The following CDH13 variants were observed in gnomAD, a reference collection of about 807,000 sequenced individuals.
The protein encoded by CDH13 is cadherin-13.
Under a neutral mutation model 63.8 loss-of-function variants are expected in CDH13, and 24 were observed. That is an observed-to-expected ratio of 0.38 (90% CI 0.27 to 0.53). The LOEUF is 0.53. Ranked by LOEUF, CDH13 falls within the 20% of genes least tolerant of loss-of-function variation. CDH13 has a pLI of 0.85. For missense variants in CDH13, 1,049 were observed against 903.1 expected, an observed-to-expected ratio of 1.16 and a Z score of -2.07; for synonymous variants, 503 against 355.3, an observed-to-expected ratio of 1.42 and a Z score of -4.67.
In CDH13 at chr16:83,622,728, T is replaced by C. The variant is rs371259155; in HGVS notation, c.1101+20134T>C. On this transcript the variant is annotated intron_variant, in intron 8 of 13. Coordinates refer to ENST00000567109, the MANE Select transcript of CDH13 (RefSeq NM_001257.5). ...ATCTTTTTACATTTATGATAGTCGT[T>C]ACTGCAGTTTCAGAATCATTAGTGA... 2.8e-4 allele frequency among the ~76,000 whole-genome samples: 43 copies of C among 152,358 alleles called. No individual in the cohort carries two copies. The East Asian group carries it at 7.9e-3, about 28-fold the overall frequency.
intron 1 of CDH13, among the ~76,000 whole-genome samples, chr16:82,633,001 C>G (rs539120976): frequency 4.6e-5 from 7 of 152,182 alleles, no homozygotes; most frequent in Non-Finnish European, 1.0e-4. Context: ...CACGGCTGAT[C>G]TGACAGGAGG....
At chr16:82,938,022 A>T (rs1469053470) in intron 2 of CDH13, among the ~76,000 whole-genome samples, 1 of 152,168 alleles carries the variant, frequency 6.6e-6, no homozygotes, top group Admixed American at 6.5e-5. Flanking sequence ...CATAATTTTC[A>T]TTGTTTAATT....
At position 83,039,834 on chromosome 16, in the gene CDH13, G is replaced by A. The variant is rs1254063277; in HGVS notation, c.366+7616G>A. On this transcript the variant is annotated intron_variant, in intron 3 of 13. Coordinates refer to ENST00000567109, the MANE Select transcript of CDH13 (RefSeq NM_001257.5). ...TTCACACTGGCTACTCCTCTGTCTG[G>A]ACATTGTTCCTTCCACTGAGGTTCC... 2.0e-4 allele frequency among the ~76,000 whole-genome samples: 30 copies of A among 152,030 alleles called. 1 individual carries two copies. Among genetic ancestry groups the A allele is most frequent in the Non-Finnish European group, 2.9e-5 (2 of 68,022 alleles).
In CDH13 at chr16:83,689,392, G is replaced by C. The variant is rs12448601; in HGVS notation, c.1538+10931G>C. ...CATTTCAGGATTGCAACAGAAGTCA[G>C]TTGCATAGGGAAAATAGCTGATTTA... On this transcript the variant is annotated intron_variant, in intron 10 of 13. Transcript: ENST00000567109. 9.2e-3 allele frequency among the ~76,000 whole-genome samples: 1,395 copies of C among 152,222 alleles called. 66 individuals are homozygous for C. The highest frequency in any genetic ancestry group is 0.071 in the Admixed American group (1,083 of 15,296).
chr16:82,915,778 A>G (rs1177618779), intron 2 of CDH13, among the ~76,000 whole-genome samples: 1 of 151,038 alleles, frequency 6.6e-6, no homozygotes, highest in African/African-American at 2.4e-5. Flanking sequence ...TGCTCATCTC[A>G]TATCAGAGAC....
chr16:82,810,082 T>G (rs1413830033), intron 1 of CDH13, among the ~76,000 whole-genome samples: 1 of 152,206 alleles, frequency 6.6e-6, no homozygotes, highest in Non-Finnish European at 1.5e-5. Flanking sequence ...AATTACTTAG[T>G]TGCTGACAAC....
intron 2 of CDH13, among the ~76,000 whole-genome samples, chr16:82,933,515 C>T (rs1454823839): frequency 2.0e-5 from 3 of 152,054 alleles, no homozygotes; most frequent in Non-Finnish European, 4.4e-5. Context: ...GCCACTTGCC[C>T]CTCTCAAATC....
chr16:83,744,221 G>T (rs576986761), intron 10 of CDH13, among the ~76,000 whole-genome samples: 3 of 152,274 alleles, frequency 2.0e-5, no homozygotes, highest in African/African-American at 7.2e-5. Flanking sequence ...AGCCGTCAGG[G>T]CCCGTGTTAG....
intron 6 of CDH13, among the ~76,000 whole-genome samples, chr16:83,462,134 T>G (rs2073197833): frequency 1.3e-5 from 2 of 152,252 alleles, no homozygotes; most frequent in African/African-American, 4.8e-5. Context: ...GACTGACAGC[T>G]GTGCTCTGTC....
chr16:83,175,914 C>T (rs912489593), intron 4 of CDH13, among the ~76,000 whole-genome samples: 4 of 149,772 alleles, frequency 2.7e-5, no homozygotes, highest in Admixed American at 1.3e-4. Flanking sequence ...CCGCAACCTC[C>T]GCTTCCCAGG....
rs144964164 is a variant in CDH13 at position 83,588,873 on chromosome 16, C to T, written c.961-13581C>T. On this transcript the variant is annotated intron_variant, in intron 7 of 13. Coordinates refer to ENST00000567109, the MANE Select transcript of CDH13 (RefSeq NM_001257.5). ...GAATGAGGTGCGGCTGGTGAGGCCA[C>T]GCACCACGTGGAGCCAGGAGGCTGC... is the stretch of plus-strand genomic sequence containing the variant. 3.3e-3 allele frequency among the ~76,000 whole-genome samples: 497 copies of T among 152,296 alleles called. 5 individuals are homozygous for T. Among genetic ancestry groups the T allele is most frequent in the African/African-American group, 9.5e-3 (394 of 41,572 alleles).
chr16:83,197,306 G>C (rs1045857572), intron 4 of CDH13, among the ~76,000 whole-genome samples: 1 of 151,730 alleles, frequency 6.6e-6, no homozygotes, highest in Non-Finnish European at 1.5e-5. Context: ...GGGTACATTA[G>C]ATACAGACAT....
At chr16:83,625,172 ATG>A (rs373457043) in intron 8 of CDH13, among the ~76,000 whole-genome samples, 14 of 150,092 alleles carry the variant, frequency 9.3e-5, no homozygotes, top group African/African-American at 2.0e-4. Flanking sequence ...GTGTGTGCTC[ATG>A]TGTGTGTGTG....
chr16:83,281,058 T>C (rs2089155719), intron 5 of CDH13, among the ~76,000 whole-genome samples: 1 of 152,184 alleles, frequency 6.6e-6, no homozygotes, highest in South Asian at 2.1e-4. Flanking sequence ...GCCTATTCTT[T>C]GAAGTTTTGA....
intron 8 of CDH13, among the ~76,000 whole-genome samples, chr16:83,610,932 T>C (rs1449801388): frequency 6.6e-6 from 1 of 152,208 alleles, no homozygotes; most frequent in Admixed American, 6.5e-5. Context: ...TTGACTGCTA[T>C]ATATTTTCCC....
At chr16:83,115,243 C>T (rs1445554051) in intron 3 of CDH13, among the ~76,000 whole-genome samples, 1 of 152,178 alleles carries the variant, frequency 6.6e-6, no homozygotes, top group Non-Finnish European at 1.5e-5. Flanking sequence ...TCTTTTACAT[C>T]TTTTAACTTC....
chr16:83,394,468 G>A (rs1054817196), intron 6 of CDH13, among the ~76,000 whole-genome samples: 10 of 152,120 alleles, frequency 6.6e-5, no homozygotes, highest in Non-Finnish European at 1.5e-4. Context: ...CACGTGTGGT[G>A]TACTGGAGGA....
At position 83,047,882 on chromosome 16, in the gene CDH13, G is replaced by A. The variant is rs565632309; in HGVS notation, c.366+15664G>A. Among the ~76,000 whole-genome samples, 1 of 152,166 alleles carries A rather than the reference G, an allele frequency of 6.6e-6. No homozygotes were observed. The highest frequency in any genetic ancestry group is 2.4e-5 in the African/African-American group (1 of 41,524). On this transcript the variant is annotated intron_variant, in intron 3 of 13. Coordinates refer to ENST00000567109, the MANE Select transcript of CDH13 (RefSeq NM_001257.5). This position sits in a 1 kb window ranked among gnomAD's most constrained non-coding sequence, Gnocchi z 4.9. Reference sequence around the variant, plus strand: ...GTCCTATTTTATCTTCATTTTACAGGTGAATAAAGGAAGACGGGGAGACTA... The same window carrying A: ...GTCCTATTTTATCTTCATTTTACAGATGAATAAAGGAAGACGGGGAGACTA...
At chr16:83,459,470 C>G (rs2073117853) in intron 6 of CDH13, among the ~76,000 whole-genome samples, 1 of 152,198 alleles carries the variant, frequency 6.6e-6, no homozygotes, top group Non-Finnish European at 1.5e-5. Context: ...TCTCCATGGA[C>G]TTTAATTAAT....
Sources: allele counts gnomAD v4.1 joint callset (sites outside exome capture counted in the v4.1 genomes callset), GRCh38; gene constraint gnomAD v4.1.1; non-coding constraint Gnocchi (gnomAD v3.1); transcripts MANE v1.5; gene names NCBI Gene and HGNC (gene_info 2026-07-23, HGNC 2026-07-21).